NRCAM: variants seen among roughly 807,000 people sequenced by gnomAD.
The protein encoded by NRCAM is NgCAM-related cell adhesion molecule.
A neutral mutation model predicts 156.5 loss-of-function variants in NRCAM; 83 were observed. That is an observed-to-expected ratio of 0.53 (90% CI 0.44 to 0.64). NRCAM has a LOEUF of 0.64. Among genes scored for constraint, NRCAM ranks in the 30% least tolerant of loss-of-function variants. The probability of loss-of-function intolerance (pLI) is 0.00; values close to 1 mark genes in which losing one functional copy is unlikely to be tolerated. For synonymous variants in NRCAM, 538 were observed against 563.9 expected (o/e 0.95, Z 0.65); for missense variants, 1,417 against 1,597.3 (o/e 0.89, Z 1.92).
intron 13 of NRCAM, among the ~76,000 whole-genome samples, chr7:108,206,181 T>C (rs922698998): frequency 6.6e-6 from 1 of 152,208 alleles, no homozygotes; most frequent in African/African-American, 2.4e-5. Flanking sequence ...TAAATATTCA[T>C]GGGGCAGGCT....
intron 20 of NRCAM, among the ~76,000 whole-genome samples, chr7:108,187,852 A>G (rs574963764): frequency 2.0e-5 from 3 of 151,838 alleles, no homozygotes; most frequent in South Asian, 2.1e-4. Flanking sequence ...CTACTCGGGA[A>G]GCTGAGGCAG....
chr7:108,195,633 A>AAT lies in NRCAM; in HGVS notation c.1463+127_1463+128insAT, dbSNP rs1482928688. ...TCTGTCTCACAAGAAAAAAAAATATATTAACAGTGTAATGGATTGTGTGGT... is the reference window on the plus strand; with the variant it reads ...TCTGTCTCACAAGAAAAAAAAATATAATTTAACAGTGTAATGGATTGTGTGGT... On this transcript the variant is annotated intron_variant, in intron 15 of 32. Coordinates refer to ENST00000379028, the MANE Select transcript of NRCAM (RefSeq NM_001037132.4). 9.7e-6 allele frequency: 6 copies of AAT among 621,488 alleles called. No homozygotes were observed. The East Asian group carries it at 1.7e-4, about 17-fold the overall frequency. 38.5% of individuals were successfully genotyped at this position (621,488 alleles called of 1,614,324 possible). A position where few individuals can be genotyped will look rare whatever the true frequency, so the allele number is the denominator to read the frequency against.
At chr7:108,440,599 A>G (rs1837430762) in intron 1 of NRCAM, among the ~76,000 whole-genome samples, 1 of 152,140 alleles carries the variant, frequency 6.6e-6, no homozygotes, top group Non-Finnish European at 1.5e-5. Flanking sequence ...ACATTCAAAG[A>G]TTTCACACTT....
At chr7:108,191,941 T>G in intron 17 of NRCAM, 88 bp from the exon 18 acceptor site, 1 of 1,444,530 alleles carries the variant, frequency 6.9e-7, no homozygotes, top group Non-Finnish European at 9.4e-7. Flanking sequence ...AACTGTAAAT[T>G]TGATAAAGGA....
At position 108,160,461 on chromosome 7, in the gene NRCAM, A is replaced by C; in HGVS notation, c.3498T>G (p.Thr1166=). The change falls in exon 31 of 33, where the codon ACT becomes ACG. Residue 1166 remains threonine (T), a synonymous_variant. Transcript: ENST00000379028. The part of the protein sequence containing the change: ...AMASRQVDIA[T]QGWFIGLMCA... ...ACATCAGACCAATGAACCAGCCCTG[A>C]GTTGCAATATCCACCTGCCGGCTTG... 6.2e-7 allele frequency: 1 copy of C among 1,613,694 alleles called. No individual in the cohort carries two copies.
At chr7:108,364,669 T>C (rs1454062801) in intron 2 of NRCAM, among the ~76,000 whole-genome samples, 1 of 151,982 alleles carries the variant, frequency 6.6e-6, no homozygotes, top group Non-Finnish European at 1.5e-5. Flanking sequence ...TGACATGTTA[T>C]CTGGCCATAT....
At chr7:108,448,635 G>T (rs955878036) in intron 1 of NRCAM, among the ~76,000 whole-genome samples, 3 of 152,104 alleles carry the variant, frequency 2.0e-5, no homozygotes, top group Non-Finnish European at 4.4e-5. Context: ...CCTAGTAGCT[G>T]CTTTTATTAT....
chr7:108,439,197 T>C (rs898082401), intron 1 of NRCAM, among the ~76,000 whole-genome samples: 1 of 152,160 alleles, frequency 6.6e-6, no homozygotes, highest in Non-Finnish European at 1.5e-5. Flanking sequence ...AATTATTAGA[T>C]ACAACACCAA....
rs753867931 is a variant in NRCAM, at chr7:108,176,461, A to T, written c.3120T>A (p.Ile1040=). 3 of 1,613,504 alleles carry T rather than the reference A, an allele frequency of 1.9e-6. No homozygotes were observed. The South Asian group carries it at 3.3e-5, about 18-fold the overall frequency. ...AQTSAGSGSQ[I]TEEAVTTVDE... Reference sequence around the variant, plus strand: ...CCACAGTTGTTACTGCTTCCTCTGTAATTTGACTTCCTGATCCTGCTGATG... The same window carrying T: ...CCACAGTTGTTACTGCTTCCTCTGTTATTTGACTTCCTGATCCTGCTGATG... The change falls in exon 27 of 33, where the codon ATT becomes ATA. Residue 1040 remains isoleucine (I), a synonymous_variant. Coordinates refer to ENST00000379028, the MANE Select transcript of NRCAM (RefSeq NM_001037132.4).
chr7:108,332,332 A>T (rs115270354), intron 2 of NRCAM, among the ~76,000 whole-genome samples: 2 of 152,202 alleles, frequency 1.3e-5, no homozygotes, highest in East Asian at 3.8e-4. Flanking sequence ...GCAAATTGGT[A>T]TATTTTTCAA....
Position 108,255,670 on chromosome 7 carries a change from T to C in NRCAM, c.-106-15500A>G, listed in dbSNP as rs2096603530. On this transcript the variant is annotated intron_variant, in intron 3 of 32. Coordinates refer to ENST00000379028, the MANE Select transcript of NRCAM (RefSeq NM_001037132.4). ...AGCGTCTCTGCCCGGCCGCCCATCG[T>C]CTGAGATGTGGGGAGCGCCTCTACC... 1.4e-5 allele frequency among the ~76,000 whole-genome samples: 2 copies of C among 145,166 alleles called. 1 individual carries two copies. Among genetic ancestry groups the C allele is most frequent in the South Asian group, 4.4e-4 (2 of 4,516 alleles).
intron 2 of NRCAM, among the ~76,000 whole-genome samples, chr7:108,316,496 C>T (rs1026485316): frequency 1.3e-5 from 2 of 152,148 alleles, no homozygotes; most frequent in Non-Finnish European, 1.5e-5. Flanking sequence ...AAAGTTCAGG[C>T]CGGGCACGGT....
intron 1 of NRCAM, among the ~76,000 whole-genome samples, chr7:108,438,892 T>A (rs953657385): frequency 6.6e-6 from 1 of 152,004 alleles, no homozygotes; most frequent in Admixed American, 6.6e-5. Flanking sequence ...CCACAAAAAA[T>A]AAAATACTTT....
intron 2 of NRCAM, among the ~76,000 whole-genome samples, chr7:108,341,538 C>T (rs1370555823): frequency 6.6e-6 from 1 of 152,150 alleles, no homozygotes; most frequent in Admixed American, 6.5e-5. Flanking sequence ...CTAGCAAAAG[C>T]AGGGGCCATT....
intron 17 of NRCAM, among the ~76,000 whole-genome samples, chr7:108,192,171 T>C (rs1003997719): frequency 6.6e-6 from 1 of 152,174 alleles, no homozygotes; most frequent in African/African-American, 2.4e-5. Context: ...AGGGGACCGC[T>C]GCTCTAGAGG....
At chr7:108,154,463 A>C (rs997359200) in intron 32 of NRCAM, among the ~76,000 whole-genome samples, 1 of 152,216 alleles carries the variant, frequency 6.6e-6, no homozygotes, top group Non-Finnish European at 1.5e-5. Context: ...ATACAAAATC[A>C]TAACAGTTAT....
At chr7:108,357,901 G>A (rs1402229557) in intron 2 of NRCAM, among the ~76,000 whole-genome samples, 1 of 151,952 alleles carries the variant, frequency 6.6e-6, no homozygotes, top group Non-Finnish European at 1.5e-5. Context: ...TTACTCCTTT[G>A]GCCATCAAGG....
chr7:108,287,192 A>AAT (rs1491483797), intron 3 of NRCAM, among the ~76,000 whole-genome samples: 2 of 152,034 alleles, frequency 1.3e-5, no homozygotes, highest in African/African-American at 4.8e-5. Flanking sequence ...AATATATAAC[A>AAT]ATATATATAA....
At chr7:108,335,147 A>C (rs1357068316) in intron 2 of NRCAM, among the ~76,000 whole-genome samples, 1 of 152,330 alleles carries the variant, frequency 6.6e-6, no homozygotes, top group Admixed American at 6.5e-5. Context: ...ATGGAGCTGG[A>C]ATTTGTTAGT....
Sources: allele counts gnomAD v4.1 joint callset (sites outside exome capture counted in the v4.1 genomes callset), GRCh38; gene constraint gnomAD v4.1.1; transcripts MANE v1.5; gene names NCBI Gene and HGNC (gene_info 2026-07-23, HGNC 2026-07-21).